LRRN4: variants seen among roughly 807,000 people sequenced by gnomAD.
The protein encoded by LRRN4 is leucine-rich repeat neuronal protein 4.
In LRRN4, 26 loss-of-function variants were observed where a neutral mutation model predicts 22.3. The observed-to-expected ratio is 1.16, with a 90% CI of 0.85 to 1.62. LRRN4 has a LOEUF of 1.62. Ranked by LOEUF, LRRN4 falls within the 40% of genes most tolerant of loss-of-function variation. LRRN4 has a pLI of 0.00. For missense variants in LRRN4, 1,070 were observed against 1,008.5 expected, an observed-to-expected ratio of 1.06 and a Z score of -0.83; for synonymous variants, 496 against 486.2, an observed-to-expected ratio of 1.02 and a Z score of -0.26.
In LRRN4 at chr20:6,052,390, A is replaced by C; in HGVS notation, c.410T>G (p.Leu137Arg). The change falls in exon 2 of 5, where the codon CTG (leucine) becomes CGG (arginine). Residue 137 changes from leucine (L) to arginine (R), a missense_variant. Leu to Arg is a moderately radical substitution (Grantham distance 102, BLOSUM62 -2). Coordinates refer to ENST00000378858, the MANE Select transcript of LRRN4 (RefSeq NM_152611.5). ...CAGCGCGGGCCCGGTGCACGGCGGC[A>C]GAGCGGCCAGCTGGTTGTAGCTGAG... ...LDLSYNQLAA[L>R]PPCTGPALSS... The C allele has an allele frequency of 6.5e-7, 1 of 1,527,688 alleles. No homozygotes were observed. The highest frequency in any genetic ancestry group is 2.5e-5 in the East Asian group (1 of 39,312). The allele number at this position is 1,527,688 out of a possible 1,614,324, so 94.6% of individuals were successfully genotyped here.
Position 6,042,072 on chromosome 20 carries a change from G to A in LRRN4, c.1173C>T (p.Pro391=), listed in dbSNP as rs754618457. The stretch of plus-strand genomic sequence containing the variant: ...CAGGCCGGGTGGCGGGGGCTGCGCT[G>A]GGCGCGACGGTGGTACCCTGTGCGT... ...STYAQGTTVA[P]SAAPATRPAG... The change falls in exon 5 of 5, where the codon CCC becomes CCT. Residue 391 remains proline (P), a synonymous_variant. Coordinates refer to ENST00000378858, the MANE Select transcript of LRRN4 (RefSeq NM_152611.5). 2 of 1,614,070 alleles carry A rather than the reference G, an allele frequency of 1.2e-6. No homozygotes were observed. Among genetic ancestry groups the A allele is most frequent in the South Asian group, 2.2e-5 (2 of 91,080 alleles).
At position 6,052,743 on chromosome 20, in the gene LRRN4, G is replaced by A; in HGVS notation, c.57C>T (p.Asp19=). 1 of 1,572,824 alleles carries A rather than the reference G, an allele frequency of 6.4e-7. No homozygotes were observed. The highest frequency in any genetic ancestry group is 8.6e-7 in the Non-Finnish European group (1 of 1,167,062). Residue 19 remains aspartate (D), a synonymous_variant, in exon 2 of 5, where the codon GAC becomes GAT. Transcript: ENST00000378858. The part of the protein sequence containing the change: ...LLTVLRPSWA[D]PPQEKVPLFR... ...AGAGCGGGACCTTCTCCTGGGGAGGGTCTGCCCAGCTGGGGCGCAGCACCG... is the reference window on the plus strand; with the variant it reads ...AGAGCGGGACCTTCTCCTGGGGAGGATCTGCCCAGCTGGGGCGCAGCACCG...
chr20:6,049,488 A>G (rs1265836011), intron 3 of LRRN4, among the ~76,000 whole-genome samples: 1 of 151,986 alleles, frequency 6.6e-6, no homozygotes, highest in Non-Finnish European at 1.5e-5. Context: ...TGTTCTCACC[A>G]CCACTATTTT....
At chr20:6,050,645 G>T in intron 3 of LRRN4, 134 bp downstream of exon 3, 1 of 916,214 alleles carries the variant, frequency 1.1e-6, no homozygotes, top group Non-Finnish European at 1.7e-6. Flanking sequence ...AAGGGTGGGG[G>T]AAAACAAAGC....
chr20:6,052,523 A>T lies in LRRN4; in HGVS notation c.277T>A (p.Ser93Thr), dbSNP rs1981284503. 2 of 1,587,062 alleles carry T rather than the reference A, an allele frequency of 1.3e-6. No individual in the cohort carries two copies. Among genetic ancestry groups the T allele is most frequent in the Non-Finnish European group, 8.5e-7 (1 of 1,174,806 alleles). ...AGCTGCTCCAGGTGGCCGAGCTCGG[A>T]AGTGCTCAGGGCGCGCAGCAGGTTG... ...SHNLLRALST[S>T]ELGHLEQLQV... Residue 93 changes from serine to threonine, a missense_variant, in exon 2 of 5, where the codon TCC (serine) becomes ACC (threonine). Transcript: ENST00000378858.
intron 3 of LRRN4, among the ~76,000 whole-genome samples, chr20:6,049,174 C>T (rs1309241099): frequency 1.3e-5 from 2 of 152,148 alleles, no homozygotes; most frequent in African/African-American, 4.8e-5. Flanking sequence ...GACATTCACC[C>T]GGTGAGCTTG....
Position 6,041,469 on chromosome 20 carries a change from C to T in LRRN4, c.1776G>A (p.Thr592=), listed in dbSNP as rs775646478. The change falls in exon 5 of 5, where the codon ACG becomes ACA. Residue 592 remains threonine (T), a synonymous_variant. Coordinates refer to ENST00000378858, the MANE Select transcript of LRRN4 (RefSeq NM_152611.5). This position sits in a 1 kb window ranked among gnomAD's most constrained non-coding sequence, Gnocchi z 9.4. ...PPRLQGVTET[T]DTSALVHWCA... ...ACCAGTGGACCAGCGCCGACGTGTC[C>T]GTGGTCTCCGTCACCCCCTGCAGCC... 1.4e-5 allele frequency: 22 copies of T among 1,555,458 alleles called. No individual in the cohort carries two copies. The highest frequency in any genetic ancestry group is 1.7e-5 in the Non-Finnish European group (20 of 1,149,544).
At chr20:6,042,605 T>C (rs1305665923) in intron 4 of LRRN4, among the ~76,000 whole-genome samples, 1 of 152,120 alleles carries the variant, frequency 6.6e-6, no homozygotes, top group East Asian at 1.9e-4. Flanking sequence ...GTCTGCTTCC[T>C]GGCAAGAAAG....
chr20:6,053,560 G>C (rs1408322320), intron 1 of LRRN4, among the ~76,000 whole-genome samples: 1 of 152,130 alleles, frequency 6.6e-6, no homozygotes, highest in Non-Finnish European at 1.5e-5. Flanking sequence ...AGGAGATCAA[G>C]CAGAGGAAGA....
At chr20:6,047,212 G>A (rs74880103) in intron 3 of LRRN4, among the ~76,000 whole-genome samples, 1,717 of 152,144 alleles carry the variant, frequency 0.011, 11 homozygotes, top group Non-Finnish European at 0.018. Context: ...TGTCACATTT[G>A]GGTATTCTCT....
chr20:6,049,545 G>C (rs1981195595), intron 3 of LRRN4, among the ~76,000 whole-genome samples: 1 of 151,924 alleles, frequency 6.6e-6, no homozygotes, highest in African/African-American at 2.4e-5. Context: ...TTGTTGCCCA[G>C]GCTGGAGTAC....
In LRRN4 at chr20:6,041,094, G is replaced by A. The variant is rs2123048738; in HGVS notation, c.2151C>T (p.Cys717=). 1.9e-6 allele frequency: 3 copies of A among 1,613,288 alleles called. No homozygotes were observed. The highest frequency in any genetic ancestry group is 4.5e-5 in the East Asian group (2 of 44,878). ...TTTTGTAGGCCACCAGGTGCGTGTCGCAGCGCTGCAGGCCCAGCGTCTGGC... is the reference window on the plus strand; with the variant it reads ...TTTTGTAGGCCACCAGGTGCGTGTCACAGCGCTGCAGGCCCAGCGTCTGGC... ...RRGQTLGLQR[C]DTHLVAYKNP... The change falls in exon 5 of 5, where the codon TGC becomes TGT. Residue 717 remains cysteine, a synonymous_variant. Coordinates refer to ENST00000378858, the MANE Select transcript of LRRN4 (RefSeq NM_152611.5). This position sits in a 1 kb window ranked among gnomAD's most constrained non-coding sequence, Gnocchi z 9.4.
chr20:6,049,964 T>C (rs945815904), intron 3 of LRRN4, among the ~76,000 whole-genome samples: 1 of 151,830 alleles, frequency 6.6e-6, no homozygotes, highest in Non-Finnish European at 1.5e-5. Context: ...ACCACCATCA[T>C]CTTCACTAAT....
rs373456456 is a variant in LRRN4 at position 6,042,095 on chromosome 20, C to T, written c.1150G>A (p.Ala384Thr). 15 of 1,613,966 alleles carry T rather than the reference C, an allele frequency of 9.3e-6. No individual in the cohort carries two copies. Among genetic ancestry groups the T allele is most frequent in the Non-Finnish European group, 1.0e-5 (12 of 1,179,996 alleles). ...CTGGGCGCGACGGTGGTACCCTGTG[C>T]GTAGGTGGAGCGGTTGAAGCAAGGT... Reference protein sequence around the residue: ...HPPCFNRSTYAQGTTVAPSAA... With the variant: ...HPPCFNRSTYTQGTTVAPSAA... Residue 384 changes from alanine to threonine, a missense_variant, in exon 5 of 5, where the codon GCA (alanine) becomes ACA (threonine). By Grantham distance (58) the Ala-to-Thr change is moderately conservative. Coordinates refer to ENST00000378858, the MANE Select transcript of LRRN4 (RefSeq NM_152611.5).
chr20:6,041,435 T>C lies in LRRN4; in HGVS notation c.1810A>G (p.Asn604Asp). 1 of 1,555,334 alleles carries C rather than the reference T, an allele frequency of 6.4e-7. No homozygotes were observed. Among genetic ancestry groups the C allele is most frequent in the Non-Finnish European group, 8.7e-7 (1 of 1,148,900 alleles). The stretch of plus-strand genomic sequence containing the variant: ...ATCTGGTACCCATGCACTACCGAGT[T>C]GGGGGCACACCAGTGGACCAGCGCC... ...TSALVHWCAP[N>D]SVVHGYQIRY... Residue 604 changes from asparagine (N) to aspartate (D), a missense_variant, in exon 5 of 5, where the codon AAC (asparagine) becomes GAC (aspartate). By Grantham distance (23) the Asn-to-Asp change is conservative (BLOSUM62 1). Transcript: ENST00000378858. This position sits in a 1 kb window ranked among gnomAD's most constrained non-coding sequence, Gnocchi z 9.4.
rs970279687 is a variant in LRRN4, at chr20:6,048,952, C to T, written c.860+1827G>A. On this transcript the variant is annotated intron_variant, in intron 3 of 4. Transcript: ENST00000378858. ...CCTAGCCAGGAAGGCTGGAGAAGCACCAGGGAAACATCTGGGGGCCAAAGA... is the reference window on the plus strand; with the variant it reads ...CCTAGCCAGGAAGGCTGGAGAAGCATCAGGGAAACATCTGGGGGCCAAAGA... Among the ~76,000 whole-genome samples, 5 of 152,120 alleles carry T rather than the reference C, an allele frequency of 3.3e-5. No homozygotes were observed. In the East Asian group the frequency reaches 9.6e-4, roughly 29 times the overall value.
chr20:6,049,672 G>A (rs6053845), intron 3 of LRRN4, among the ~76,000 whole-genome samples: 25,213 of 151,902 alleles, frequency 0.17, 4,757 homozygotes, highest in African/African-American at 0.46. Flanking sequence ...AGCTAATTTT[G>A]TATTTCTTTT....
At position 6,042,129 on chromosome 20, in the gene LRRN4, A is replaced by ACT; in HGVS notation, c.1115_1116insAG (p.Ser373ValfsTer46). 1 of 1,614,090 alleles carries ACT rather than the reference A, an allele frequency of 6.2e-7. No individual in the cohort carries two copies. Among genetic ancestry groups the ACT allele is most frequent in the South Asian group, 1.1e-5 (1 of 91,086 alleles). On this transcript the variant is annotated frameshift_variant, in exon 5 of 5. Coordinates refer to ENST00000378858, the MANE Select transcript of LRRN4 (RefSeq NM_152611.5). LOFTEE classifies it low-confidence loss of function (END_TRUNC). Reference sequence around the variant, plus strand: ...AGCGGTTGAAGCAAGGTGGGTGTGAAGCCCCGAGAGTGGTGCTTTGGTCGG... The same window carrying ACT: ...AGCGGTTGAAGCAAGGTGGGTGTGAACTGCCCCGAGAGTGGTGCTTTGGTCGG...
At chr20:6,051,060 C>A (rs1286078722) in intron 2 of LRRN4, 77 bp from the exon 3 acceptor site, 4 of 1,282,756 alleles carry the variant, frequency 3.1e-6, no homozygotes, top group African/African-American at 1.5e-5. Context: ...GAAGGAAGAA[C>A]GAGAGTGGCA....
Sources: allele counts gnomAD v4.1 joint callset (sites outside exome capture counted in the v4.1 genomes callset), GRCh38; gene constraint gnomAD v4.1.1; non-coding constraint Gnocchi (gnomAD v3.1); transcripts MANE v1.5; gene names NCBI Gene and HGNC (gene_info 2026-07-23, HGNC 2026-07-21).